The following HDAC9 variants were observed in gnomAD, a reference collection of about 807,000 sequenced individuals.
HDAC9 encodes the protein MEF-2 interacting transcription repressor (MITR) protein.
Under a neutral mutation model 139.4 loss-of-function variants are expected in HDAC9, and 41 were observed. The observed-to-expected ratio is 0.29, with a 90% CI of 0.23 to 0.38. The LOEUF (loss-of-function observed/expected upper bound fraction) is 0.38, where lower values mean the gene tolerates loss of function less well. HDAC9 is among the 10% of genes least tolerant of loss of function. The pLI is 1.00. For missense variants in HDAC9, 1,147 were observed against 1,297.0 expected (o/e 0.88, Z 1.78); for synonymous variants, 517 against 476.2 (o/e 1.09, Z -1.12).
intron 13 of HDAC9, among the ~76,000 whole-genome samples, chr7:18,728,961 C>T (rs576450285): frequency 6.6e-6 from 1 of 152,294 alleles, no homozygotes; most frequent in African/African-American, 2.4e-5. Flanking sequence ...TTGCCTCTGA[C>T]TCTTCTACTT....
chr7:18,879,186 C>T lies in HDAC9; in HGVS notation c.2803+4590C>T, dbSNP rs185125108. On this transcript the variant is annotated intron_variant, in intron 22 of 25. Coordinates refer to ENST00000686413, the MANE Select transcript of HDAC9 (RefSeq NM_178425.4). ...AACATAAACAAATGGAAAATCATCC[C>T]GTGGTCATAGACAGGAAGAATCAAT... is the stretch of plus-strand genomic sequence containing the variant. Among the ~76,000 whole-genome samples the T allele has an allele frequency of 5.2e-3, 797 of 152,188 alleles. 2 individuals carry two copies. The highest frequency in any genetic ancestry group is 8.9e-3 in the Non-Finnish European group (606 of 67,990).
intron 2 of HDAC9, among the ~76,000 whole-genome samples, chr7:18,542,320 T>C (rs1327082697): frequency 1.3e-5 from 2 of 152,186 alleles, no homozygotes; most frequent in East Asian, 3.8e-4. Flanking sequence ...TACCAACTTC[T>C]CTATACCTCA....
At chr7:18,992,413 A>T (rs759531032) in intron 25 of HDAC9, among the ~76,000 whole-genome samples, 27 of 152,230 alleles carry the variant, frequency 1.8e-4, no homozygotes, top group Non-Finnish European at 3.7e-4. Flanking sequence ...ATAAAGTTAA[A>T]ATTTACATAA....
intron 1 of HDAC9, among the ~76,000 whole-genome samples, chr7:18,308,471 C>T (rs1252481773): frequency 6.6e-6 from 1 of 152,120 alleles, no homozygotes; most frequent in Admixed American, 6.5e-5. Context: ...ACCATACTCC[C>T]TTTCAAAATG....
At chr7:18,708,836 GT>G (rs1784130208) in intron 12 of HDAC9, among the ~76,000 whole-genome samples, 1 of 151,972 alleles carries the variant, frequency 6.6e-6, no homozygotes, top group Non-Finnish European at 1.5e-5. Flanking sequence ...ATCATATGTG[GT>G]ACACAGAAAC....
intron 23 of HDAC9, among the ~76,000 whole-genome samples, chr7:18,946,257 G>C (rs535186025): frequency 1.9e-3 from 288 of 151,950 alleles, no homozygotes; most frequent in African/African-American, 6.2e-3. Context: ...TCTTCTTCAA[G>C]ACAGTCTTGG....
At chr7:18,318,735 G>C (rs1002730913) in intron 1 of HDAC9, among the ~76,000 whole-genome samples, 2 of 152,104 alleles carry the variant, frequency 1.3e-5, no homozygotes, top group Non-Finnish European at 2.9e-5. Context: ...AAGAGACCTG[G>C]GTTCATACTT....
intron 1 of HDAC9, among the ~76,000 whole-genome samples, chr7:18,157,789 T>A (rs1386662897): frequency 7.0e-6 from 1 of 143,532 alleles, no homozygotes; most frequent in African/African-American, 2.6e-5. Context: ...CAGCAGAATT[T>A]CAGGTTCTAA....
chr7:18,512,939 G>A lies in HDAC9; in HGVS notation c.22+16615G>A, dbSNP rs187388209. Among the ~76,000 whole-genome samples, 11 of 152,286 alleles carry A rather than the reference G, an allele frequency of 7.2e-5. 1 individual carries two copies. The highest frequency in any genetic ancestry group is 2.4e-4 in the African/African-American group (10 of 41,568). On this transcript the variant is annotated intron_variant, in intron 2 of 25. Coordinates refer to ENST00000686413, the MANE Select transcript of HDAC9 (RefSeq NM_178425.4). ...GATTATTTGGTTTGGGCAGGGACAT[G>A]CTCACATAGATGACAAGGAATAGAA... is the stretch of plus-strand genomic sequence containing the variant.
chr7:18,611,558 A>T (rs1386597509), intron 6 of HDAC9, among the ~76,000 whole-genome samples: 1 of 152,120 alleles, frequency 6.6e-6, no homozygotes, highest in South Asian at 2.1e-4. Flanking sequence ...GATTTTCTTT[A>T]TTATGGCAGT....
intron 19 of HDAC9, among the ~76,000 whole-genome samples, chr7:18,835,204 A>G (rs1247404908): frequency 6.6e-6 from 1 of 152,172 alleles, no homozygotes; most frequent in Non-Finnish European, 1.5e-5. Flanking sequence ...TGGAGTCTCC[A>G]GGGCATGCTC....
chr7:18,701,781 G>GTGAT (rs1379587563), intron 12 of HDAC9, among the ~76,000 whole-genome samples: 1 of 152,220 alleles, frequency 6.6e-6, no homozygotes, highest in Non-Finnish European at 1.5e-5. Flanking sequence ...CCACATATCT[G>GTGAT]TGATGTCTTG....
At chr7:18,613,799 C>T (rs1368669513) in intron 6 of HDAC9, among the ~76,000 whole-genome samples, 1 of 152,036 alleles carries the variant, frequency 6.6e-6, no homozygotes, top group East Asian at 1.9e-4. Context: ...CTCCCAAATC[C>T]TGAAATCTGT....
intron 1 of HDAC9, among the ~76,000 whole-genome samples, chr7:18,337,725 A>G (rs971927322): frequency 1.3e-5 from 2 of 151,772 alleles, no homozygotes; most frequent in Non-Finnish European, 2.9e-5. Context: ...ATGTATTTGA[A>G]GTGGCCCGCT....
intron 1 of HDAC9, among the ~76,000 whole-genome samples, chr7:18,440,433 C>T (rs1791651958): frequency 6.6e-6 from 1 of 152,078 alleles, no homozygotes; most frequent in Admixed American, 6.6e-5. Context: ...GCTCTGCCCA[C>T]CTCGGCCTCC....
chr7:18,675,651 A>T (rs1418198440), intron 12 of HDAC9, among the ~76,000 whole-genome samples: 1 of 152,052 alleles, frequency 6.6e-6, no homozygotes, highest in Non-Finnish European at 1.5e-5. Context: ...ATAGTACAGT[A>T]CTTCCCACCT....
chr7:18,862,479 A>C (rs1270446254), intron 21 of HDAC9, among the ~76,000 whole-genome samples: 1 of 152,214 alleles, frequency 6.6e-6, no homozygotes, highest in African/African-American at 2.4e-5. Context: ...AGTTGGAATC[A>C]AGTGATTTTT....
rs529016424 is a variant in HDAC9 at position 18,844,828 on chromosome 7, C to T, written c.2684+8831C>T. On this transcript the variant is annotated intron_variant, in intron 21 of 25. Transcript: ENST00000686413. ...TTCAGAAAGTCTCCCAGAGCTGCCTCATTAGGCCTCTGATTTTGCTTTATA... is the reference window on the plus strand; with the variant it reads ...TTCAGAAAGTCTCCCAGAGCTGCCTTATTAGGCCTCTGATTTTGCTTTATA... Among the ~76,000 whole-genome samples, 18 of 152,308 alleles carry T rather than the reference C, an allele frequency of 1.2e-4. 1 individual carries two copies. The South Asian group carries it at 2.3e-3, about 19-fold the overall frequency.
intron 2 of HDAC9, among the ~76,000 whole-genome samples, chr7:18,165,004 C>A (rs978101561): frequency 6.6e-6 from 1 of 152,154 alleles, no homozygotes; most frequent in Non-Finnish European, 1.5e-5. Context: ...GGACAGCACC[C>A]TTTCATGGGA....
Sources: gnomAD v4.1 joint callset for allele counts (sites outside exome capture counted in the v4.1 genomes callset) on GRCh38, gnomAD v4.1.1 for gene constraint, MANE v1.5 for transcripts, NCBI Gene and HGNC (gene_info 2026-07-23, HGNC 2026-07-21) for gene names.